The following JMJD1C variants were observed in gnomAD, a reference collection of about 807,000 sequenced individuals.
The protein encoded by JMJD1C is jumonji domain containing 1C, also known as jumonji domain-containing protein 1C.
A neutral mutation model predicts 245.3 loss-of-function variants in JMJD1C; 31 were observed. The observed-to-expected ratio is 0.13, with a 90% CI of 0.09 to 0.17. JMJD1C has a LOEUF of 0.17. JMJD1C is among the 10% of genes least tolerant of loss of function. JMJD1C has a pLI of 1.00. For synonymous variants in JMJD1C, 1,057 were observed against 1,017.4 expected (o/e 1.04, Z -0.74); for missense variants, 2,691 against 3,000.2 (o/e 0.90, Z 2.41).
At chr10:63,333,682 A>G (rs1370664263) in intron 2 of JMJD1C, among the ~76,000 whole-genome samples, 1 of 152,226 alleles carries the variant, frequency 6.6e-6, no homozygotes, top group South Asian at 2.1e-4. Context: ...TGTAATCTAC[A>G]TGACAATTAT....
intron 2 of JMJD1C, among the ~76,000 whole-genome samples, chr10:63,315,886 T>C (rs1449357090): frequency 6.9e-6 from 1 of 144,042 alleles, no homozygotes; most frequent in Non-Finnish European, 1.5e-5. Context: ...GAAATTCTAA[T>C]GGCTGGGTAT....
Position 63,194,389 on chromosome 10 carries a change from A to G in JMJD1C, c.5645-14T>C. 1 of 1,450,238 alleles carries G rather than the reference A, an allele frequency of 6.9e-7. No homozygotes were observed. The highest frequency in any genetic ancestry group is 9.7e-7 in the Non-Finnish European group (1 of 1,030,708). The allele number at this position is 1,450,238 out of a possible 1,614,324, so 89.8% of individuals were successfully genotyped here. On this transcript the variant is annotated splice_polypyrimidine_tract_variant and intron_variant, in intron 13 of 25. Coordinates refer to ENST00000399262, the MANE Select transcript of JMJD1C (RefSeq NM_032776.3). Reference sequence around the variant, plus strand: ...ATAGTTCTTTATCTGTAAGATAATAAAACTTGTATATCACACTCATGGTTT... The same window carrying G: ...ATAGTTCTTTATCTGTAAGATAATAGAACTTGTATATCACACTCATGGTTT...
chr10:63,268,522 A>C (rs1191402805), intron 2 of JMJD1C: 3 of 170,868 alleles, frequency 1.8e-5, no homozygotes. Flanking sequence ...TAAACAAATG[A>C]AAGTTAAAAA....
intron 2 of JMJD1C, among the ~76,000 whole-genome samples, chr10:63,312,358 T>A (rs1373356600): frequency 1.2e-4 from 19 of 152,188 alleles, no homozygotes. Context: ...TCCGCCCACC[T>A]TGGCCTCCCC....
intron 3 of JMJD1C, among the ~76,000 whole-genome samples, chr10:63,253,037 C>A (rs1853323411): frequency 6.6e-6 from 1 of 152,178 alleles, no homozygotes; most frequent in Non-Finnish European, 1.5e-5. Context: ...AGGAGTTATA[C>A]TCAAGACATT....
intron 2 of JMJD1C, among the ~76,000 whole-genome samples, chr10:63,379,013 C>T (rs140977425): frequency 3.9e-5 from 6 of 152,152 alleles, no homozygotes; most frequent in Non-Finnish European, 5.9e-5. Flanking sequence ...TGATTCCATT[C>T]ACTCTCTTCC....
intron 1 of JMJD1C, among the ~76,000 whole-genome samples, chr10:63,413,366 T>G (rs1564893943): frequency 6.6e-6 from 1 of 152,178 alleles, no homozygotes; most frequent in African/African-American, 2.4e-5. Context: ...CATGATAAAT[T>G]TACCTCTGTT....
chr10:63,305,494 CTGGAGGCAAGG>C (rs1938016648), intron 2 of JMJD1C, among the ~76,000 whole-genome samples: 9 of 131,400 alleles, frequency 6.8e-5, no homozygotes, highest in South Asian at 2.5e-4. Context: ...CTCTCTCTCT[CTGGAGGCAAGG>C]TCTGACCCTC....
intron 2 of JMJD1C, among the ~76,000 whole-genome samples, chr10:63,344,336 G>C (rs1943626198): frequency 6.6e-6 from 1 of 152,116 alleles, no homozygotes; most frequent in South Asian, 2.1e-4. Flanking sequence ...ACACAGGTTT[G>C]TAGCCTCAGA....
intron 1 of JMJD1C, among the ~76,000 whole-genome samples, chr10:63,516,760 T>C (rs1454188652): frequency 6.6e-6 from 1 of 152,238 alleles, no homozygotes; most frequent in African/African-American, 2.4e-5. Flanking sequence ...TTTTACTTTT[T>C]GTGTTGTCAG....
intron 1 of JMJD1C, among the ~76,000 whole-genome samples, chr10:63,381,639 G>C (rs1016165676): frequency 3.3e-5 from 5 of 152,106 alleles, no homozygotes; most frequent in Non-Finnish European, 7.3e-5. Context: ...TGGTTAATGA[G>C]TATAACAATA....
chr10:63,402,292 G>T (rs1194893559), intron 1 of JMJD1C, among the ~76,000 whole-genome samples: 1 of 151,982 alleles, frequency 6.6e-6, no homozygotes, highest in Non-Finnish European at 1.5e-5. Context: ...CATATAAAAT[G>T]AGAAAGTAAG....
intron 2 of JMJD1C, among the ~76,000 whole-genome samples, chr10:63,296,391 A>T (rs963935359): frequency 6.6e-6 from 1 of 152,084 alleles, no homozygotes; most frequent in African/African-American, 2.4e-5. Context: ...TAACACATGT[A>T]TTTTCCACAA....
At chr10:63,278,948 T>C (rs1409205664) in intron 2 of JMJD1C, among the ~76,000 whole-genome samples, 1 of 152,082 alleles carries the variant, frequency 6.6e-6, no homozygotes, top group Non-Finnish European at 1.5e-5. Context: ...ATTTTCAAAT[T>C]AACAAATGAC....
intron 2 of JMJD1C, among the ~76,000 whole-genome samples, chr10:63,315,515 T>C (rs55836129): frequency 0.013 from 2,024 of 152,264 alleles, 31 homozygotes; most frequent in African/African-American, 0.034. Flanking sequence ...GGAAGTTTTT[T>C]TCTCTTCACT....
intron 2 of JMJD1C, among the ~76,000 whole-genome samples, chr10:63,378,843 T>C (rs1324124445): frequency 2.6e-5 from 4 of 152,186 alleles, no homozygotes; most frequent in Non-Finnish European, 5.9e-5. Context: ...AAACTTTTTA[T>C]ATGAACAATT....
At chr10:63,392,733 G>C (rs761041661) in intron 1 of JMJD1C, among the ~76,000 whole-genome samples, 1 of 146,828 alleles carries the variant, frequency 6.8e-6, no homozygotes, top group Non-Finnish European at 1.5e-5. Flanking sequence ...GCTGAAGCAA[G>C]AGAACTGCTT....
chr10:63,187,403 A>G (rs144503837), intron 18 of JMJD1C, among the ~76,000 whole-genome samples: 37 of 152,350 alleles, frequency 2.4e-4, no homozygotes, highest in African/African-American at 7.9e-4. Flanking sequence ...GTGTATCAGA[A>G]TAATTCAAAG....
intron 8 of JMJD1C, among the ~76,000 whole-genome samples, chr10:63,209,970 T>C (rs978020730): frequency 6.6e-6 from 1 of 152,216 alleles, no homozygotes; most frequent in Non-Finnish European, 1.5e-5. Flanking sequence ...AATTTGTTAA[T>C]AGGATGATAG....
Sources: allele counts gnomAD v4.1 joint callset (sites outside exome capture counted in the v4.1 genomes callset), GRCh38; gene constraint gnomAD v4.1.1; transcripts MANE v1.5; gene names NCBI Gene and HGNC (gene_info 2026-07-23, HGNC 2026-07-21).